Variants in SPAG16 observed in about 807,000 individuals in gnomAD.
SPAG16 encodes sperm-associated antigen 16 protein.
A neutral mutation model predicts 80.4 loss-of-function variants in SPAG16; 86 were observed. The ratio of observed to expected loss-of-function variants is 1.07; its 90% CI spans 0.90 to 1.28. The LOEUF (loss-of-function observed/expected upper bound fraction) is 1.28, where lower values mean the gene tolerates loss of function less well. SPAG16 is among the 50% of genes most tolerant of loss of function. The pLI, the probability that SPAG16 is intolerant of heterozygous loss-of-function variation, is 0.00. For synonymous variants in SPAG16, 294 were observed against 265.9 expected (o/e 1.11, Z -1.03); for missense variants, 870 against 765.3 (o/e 1.14, Z -1.61).
intron 9 of SPAG16, among the ~76,000 whole-genome samples, chr2:213,378,112 G>A (rs1348742677): frequency 1.3e-5 from 2 of 151,984 alleles, no homozygotes; most frequent in Non-Finnish European, 2.9e-5. Context: ...ATGTAGGCTG[G>A]GAGGCTAGGC....
At chr2:213,445,703 A>T (rs897018725) in intron 9 of SPAG16, among the ~76,000 whole-genome samples, 1 of 152,166 alleles carries the variant, frequency 6.6e-6, no homozygotes, top group African/African-American at 2.4e-5. Context: ...AAAAATGCTC[A>T]ACATCACTAA....
chr2:213,425,895 T>G (rs925123865), intron 9 of SPAG16, among the ~76,000 whole-genome samples: 3 of 152,160 alleles, frequency 2.0e-5, no homozygotes, highest in East Asian at 1.9e-4. Context: ...GAGTAATAGC[T>G]GATACTAAGC....
chr2:214,009,397 C>G (rs2047180895), intron 12 of SPAG16, among the ~76,000 whole-genome samples: 1 of 152,138 alleles, frequency 6.6e-6, no homozygotes. Context: ...GTTTTTCCTT[C>G]TCTTAAGGAT....
intron 7 of SPAG16, among the ~76,000 whole-genome samples, chr2:213,351,574 A>G (rs1301674461): frequency 1.3e-5 from 2 of 152,312 alleles, no homozygotes; most frequent in East Asian, 3.9e-4. Flanking sequence ...AAAACCATTT[A>G]TCAGTTTTTT....
At chr2:214,083,872 T>C (rs1227697156) in intron 13 of SPAG16, among the ~76,000 whole-genome samples, 2 of 152,134 alleles carry the variant, frequency 1.3e-5, no homozygotes, top group African/African-American at 2.4e-5. Flanking sequence ...ACTGTAATTC[T>C]TTTAAACTAA....
chr2:213,775,580 TTC>T (rs2069523194), intron 10 of SPAG16, among the ~76,000 whole-genome samples: 2 of 152,218 alleles, frequency 1.3e-5, no homozygotes, highest in South Asian at 4.1e-4. Flanking sequence ...TCAGGACTTA[TTC>T]ATCTTACATA....
At chr2:213,400,051 C>G (rs1474276380) in intron 9 of SPAG16, among the ~76,000 whole-genome samples, 1 of 151,934 alleles carries the variant, frequency 6.6e-6, no homozygotes. Context: ...CTTCCCATCT[C>G]ACATCATTCT....
intron 15 of SPAG16, among the ~76,000 whole-genome samples, chr2:214,317,760 A>G (rs1695790381): frequency 6.6e-6 from 1 of 152,170 alleles, no homozygotes; most frequent in Admixed American, 6.5e-5. Context: ...AAAAGTGGCT[A>G]ATGCCTGCCT....
intron 9 of SPAG16, among the ~76,000 whole-genome samples, chr2:213,468,166 T>G (rs1018912288): frequency 1.3e-5 from 2 of 152,038 alleles, no homozygotes; most frequent in African/African-American, 2.4e-5. Flanking sequence ...GTACCAAGGC[T>G]TCTCTTAGCC....
chr2:213,824,816 T>A (rs1312942694), intron 10 of SPAG16, among the ~76,000 whole-genome samples: 1 of 152,140 alleles, frequency 6.6e-6, no homozygotes, highest in Non-Finnish European at 1.5e-5. Context: ...ATCCATAGAT[T>A]TCTTTGGGTA....
chr2:214,012,284 A>ATTTTTTTT (rs1483720818), intron 12 of SPAG16, among the ~76,000 whole-genome samples: 49 of 54,592 alleles, frequency 9.0e-4, no homozygotes, highest in African/African-American at 2.9e-3. Flanking sequence ...ATATATATAT[A>ATTTTTTTT]TATATTTTTT....
intron 13 of SPAG16, among the ~76,000 whole-genome samples, chr2:214,060,119 C>T (rs550512425): frequency 6.6e-6 from 1 of 152,230 alleles, no homozygotes; most frequent in Non-Finnish European, 1.5e-5. Context: ...AGCCAGTGTG[C>T]CCTCTCATCA....
Position 213,296,114 on chromosome 2 carries a change from A to C in SPAG16, c.183+4A>C, listed in dbSNP as rs1470678412. ...AGATGACTATGAATATGAAGAGGTA[A>C]CATGTTAATTTTAGGTGTTTATTCT... On this transcript the variant is annotated splice_donor_region_variant and intron_variant, in intron 2 of 15. Coordinates refer to ENST00000331683, the MANE Select transcript of SPAG16 (RefSeq NM_024532.5). 1.3e-6 allele frequency: 2 copies of C among 1,597,474 alleles called. No individual in the cohort carries two copies. The highest frequency in any genetic ancestry group is 1.7e-6 in the Non-Finnish European group (2 of 1,166,102).
chr2:213,748,414 A>G (rs992343858), intron 10 of SPAG16, among the ~76,000 whole-genome samples: 2 of 152,078 alleles, frequency 1.3e-5, no homozygotes, highest in African/African-American at 4.8e-5. Flanking sequence ...AATTTGCATT[A>G]AAAGTTTATG....
At chr2:214,229,876 A>G (rs1688568804) in intron 15 of SPAG16, among the ~76,000 whole-genome samples, 1 of 151,946 alleles carries the variant, frequency 6.6e-6, no homozygotes, top group African/African-American at 2.4e-5. Context: ...TAATGAAAAT[A>G]TATTATTTTC....
At chr2:213,509,634 A>C (rs970404082) in intron 10 of SPAG16, among the ~76,000 whole-genome samples, 1 of 152,216 alleles carries the variant, frequency 6.6e-6, no homozygotes. Context: ...ACAAAGACAC[A>C]ACATACCAGA....
chr2:213,342,315 T>A (rs936661121), intron 6 of SPAG16, among the ~76,000 whole-genome samples: 1 of 143,060 alleles, frequency 7.0e-6, no homozygotes, highest in African/African-American at 2.6e-5. Context: ...TGTATATATA[T>A]GTTACATATA....
intron 10 of SPAG16, among the ~76,000 whole-genome samples, chr2:213,498,308 T>C (rs1033257384): frequency 6.6e-6 from 1 of 152,120 alleles, no homozygotes; most frequent in Non-Finnish European, 1.5e-5. Flanking sequence ...TGGTATCCCA[T>C]AATTGACTTA....
intron 10 of SPAG16, among the ~76,000 whole-genome samples, chr2:213,545,103 T>C (rs1446675504): frequency 1.3e-5 from 2 of 152,128 alleles, no homozygotes; most frequent in African/African-American, 4.8e-5. Flanking sequence ...TCACCAGTAA[T>C]GAAGTAGAGT....
Sources: gnomAD v4.1 joint callset for allele counts (sites outside exome capture counted in the v4.1 genomes callset) on GRCh38, gnomAD v4.1.1 for gene constraint, MANE v1.5 for transcripts, NCBI Gene and HGNC (gene_info 2026-07-23, HGNC 2026-07-21) for gene names.